The following ZSWIM6 variants were observed in gnomAD, a reference collection of about 807,000 sequenced individuals.
The protein encoded by ZSWIM6 is zinc finger SWIM domain-containing protein 6.
In ZSWIM6, 9 loss-of-function variants were observed where a neutral mutation model predicts 113.2. That is an observed-to-expected ratio of 0.08 (90% CI 0.05 to 0.14). ZSWIM6 has a LOEUF of 0.14. Among genes scored for constraint, ZSWIM6 ranks in the 10% least tolerant of loss-of-function variants. The pLI is 1.00. For missense variants in ZSWIM6, 1,162 were observed against 1,552.2 expected (o/e 0.75, Z 4.22); for synonymous variants, 611 against 606.5 (o/e 1.01, Z -0.11).
chr5:61,459,136 G>T (rs1747270990), intron 1 of ZSWIM6, among the ~76,000 whole-genome samples: 1 of 152,134 alleles, frequency 6.6e-6, no homozygotes, highest in South Asian at 2.1e-4. Flanking sequence ...CAAAAATTTG[G>T]CAGTGATTCA....
chr5:61,475,252 C>T (rs1747680335), intron 2 of ZSWIM6, among the ~76,000 whole-genome samples: 1 of 152,120 alleles, frequency 6.6e-6, no homozygotes. Context: ...TCACTTTGTT[C>T]TCTTGAGTTT....
chr5:61,450,086 C>CT (rs1466114470), intron 1 of ZSWIM6, among the ~76,000 whole-genome samples: 1 of 152,118 alleles, frequency 6.6e-6, no homozygotes, highest in Non-Finnish European at 1.5e-5. Flanking sequence ...CTGTCACCAC[C>CT]TCTCAACCTC....
intron 9 of ZSWIM6, among the ~76,000 whole-genome samples, chr5:61,535,238 CCT>C (rs1237744409): frequency 6.6e-6 from 1 of 152,022 alleles, no homozygotes; most frequent in African/African-American, 2.4e-5. Flanking sequence ...GCTGTCTGCC[CCT>C]GAGTTCTGGG....
intron 1 of ZSWIM6, among the ~76,000 whole-genome samples, chr5:61,432,798 TG>T: frequency 6.6e-6 from 1 of 152,324 alleles, no homozygotes; most frequent in Non-Finnish European, 1.5e-5. Context: ...GGTTTTTCAT[TG>T]GGTTCTCATG....
chr5:61,390,325 A>G (rs1745680384), intron 1 of ZSWIM6, among the ~76,000 whole-genome samples: 2 of 152,242 alleles, frequency 1.3e-5, no homozygotes, highest in African/African-American at 4.8e-5. Context: ...GAATAAAATT[A>G]CTAGAATTCA....
intron 1 of ZSWIM6, among the ~76,000 whole-genome samples, chr5:61,452,912 C>A (rs952757140): frequency 6.6e-6 from 1 of 152,198 alleles, no homozygotes; most frequent in Non-Finnish European, 1.5e-5. Flanking sequence ...ATGACCTTGA[C>A]ACTTTTGAAG....
At chr5:61,375,517 A>G in intron 1 of ZSWIM6, 1 of 1,554,106 alleles carries the variant, frequency 6.4e-7, no homozygotes, top group Non-Finnish European at 8.7e-7. Flanking sequence ...AAAGAAAAAG[A>G]AGAACCGTTC....
At position 61,349,955 on chromosome 5, in the gene ZSWIM6, A is replaced by G. The variant is rs565743424; in HGVS notation, c.676+17007A>G. On this transcript the variant is annotated intron_variant, in intron 1 of 13. Coordinates refer to ENST00000252744, the MANE Select transcript of ZSWIM6 (RefSeq NM_020928.2). ...ATCCCACAAGATCTTACACATTGTGAAATGACACTGTCTAATTAATAGGAA... is the reference window on the plus strand; with the variant it reads ...ATCCCACAAGATCTTACACATTGTGGAATGACACTGTCTAATTAATAGGAA... 4.6e-5 allele frequency among the ~76,000 whole-genome samples: 7 copies of G among 152,366 alleles called. No homozygotes were observed. In the South Asian group the frequency reaches 1.4e-3, roughly 32 times the overall value.
intron 4 of ZSWIM6, among the ~76,000 whole-genome samples, chr5:61,496,761 A>T (rs1748326378): frequency 6.6e-6 from 1 of 152,184 alleles, no homozygotes; most frequent in Non-Finnish European, 1.5e-5. Flanking sequence ...ATTACAGATC[A>T]TTTAAATATG....
intron 4 of ZSWIM6, among the ~76,000 whole-genome samples, chr5:61,520,029 G>C (rs1749069726): frequency 6.6e-6 from 1 of 152,178 alleles, no homozygotes; most frequent in African/African-American, 2.4e-5. Flanking sequence ...TTCACCTCCT[G>C]CTGTGTGGCC....
At chr5:61,449,851 C>T (rs1580002308) in intron 1 of ZSWIM6, among the ~76,000 whole-genome samples, 3 of 152,126 alleles carry the variant, frequency 2.0e-5, no homozygotes, top group East Asian at 3.9e-4. Context: ...AGTGAAACAC[C>T]TGTTCCCAGT....
intron 1 of ZSWIM6, among the ~76,000 whole-genome samples, chr5:61,364,205 C>T (rs934973909): frequency 5.3e-5 from 8 of 152,074 alleles, no homozygotes; most frequent in Admixed American, 2.0e-4. Flanking sequence ...CCACCATGCC[C>T]GGCCCATAGT....
chr5:61,446,564 T>A (rs1746957296), intron 1 of ZSWIM6, among the ~76,000 whole-genome samples: 1 of 152,218 alleles, frequency 6.6e-6, no homozygotes, highest in Admixed American at 6.5e-5. Context: ...TTTTATAACC[T>A]TCTGTGCCAA....
At chr5:61,340,574 G>T (rs968720125) in intron 1 of ZSWIM6, among the ~76,000 whole-genome samples, 4 of 152,152 alleles carry the variant, frequency 2.6e-5, no homozygotes, top group African/African-American at 9.7e-5. Flanking sequence ...AGATTTCAGA[G>T]ATAAAAAGAT....
chr5:61,350,696 TGGTCA>T (rs1205193491), intron 1 of ZSWIM6, among the ~76,000 whole-genome samples: 1 of 152,228 alleles, frequency 6.6e-6, no homozygotes, highest in Non-Finnish European at 1.5e-5. Flanking sequence ...GCTAATCACA[TGGTCA>T]GGAGCTTGGG....
At chr5:61,396,526 T>A (rs1745840880) in intron 1 of ZSWIM6, among the ~76,000 whole-genome samples, 1 of 135,404 alleles carries the variant, frequency 7.4e-6, no homozygotes, top group Non-Finnish European at 1.6e-5. Flanking sequence ...TGAGACTCTG[T>A]CTCAAAAAAA....
intron 9 of ZSWIM6, among the ~76,000 whole-genome samples, chr5:61,534,072 T>C (rs772221613): frequency 6.6e-5 from 10 of 152,168 alleles, no homozygotes; most frequent in Admixed American, 2.6e-4. Context: ...TACAATTACA[T>C]TGGGGCTGGG....
At chr5:61,400,200 C>G (rs1433601005) in intron 1 of ZSWIM6, among the ~76,000 whole-genome samples, 1 of 152,154 alleles carries the variant, frequency 6.6e-6, no homozygotes, top group African/African-American at 2.4e-5. Flanking sequence ...TCCTTGCCCT[C>G]CTGTAGTCCT....
chr5:61,369,416 A>C (rs1221986520), intron 1 of ZSWIM6, among the ~76,000 whole-genome samples: 1 of 152,208 alleles, frequency 6.6e-6, no homozygotes, highest in Non-Finnish European at 1.5e-5. Flanking sequence ...ATTCTGTGTT[A>C]ACCACCACTA....
Sources: allele counts gnomAD v4.1 joint callset (sites outside exome capture counted in the v4.1 genomes callset), GRCh38; gene constraint gnomAD v4.1.1; transcripts MANE v1.5; gene names NCBI Gene and HGNC (gene_info 2026-07-23, HGNC 2026-07-21).